Variants in REXO5 observed in about 807,000 individuals in gnomAD.
REXO5 encodes RNA exonuclease 5, also known as exonuclease NEF-sp.
REXO5 carries 48 observed loss-of-function variants against 88.5 expected under a neutral mutation model. That is an observed-to-expected ratio of 0.54 (90% CI 0.43 to 0.69). REXO5 has a LOEUF of 0.69. Ranked by LOEUF, REXO5 falls within the 30% of genes least tolerant of loss-of-function variation. REXO5 has a pLI of 0.00. For synonymous variants in REXO5, 311 were observed against 336.5 expected, an observed-to-expected ratio of 0.92 and a Z score of 0.83; for missense variants, 749 against 912.2, an observed-to-expected ratio of 0.82 and a Z score of 2.30.
Position 20,841,763 on chromosome 16 carries a change from G to A in REXO5, c.1626+1295G>A, listed in dbSNP as rs865944331. On this transcript the variant is annotated intron_variant, in intron 15 of 19. Transcript: ENST00000261377. ...TGAGACGACAGGTATGTGCCCCCACGCCTGGCTAATTTTTGTATTTTTAGT... is the reference window on the plus strand; with the variant it reads ...TGAGACGACAGGTATGTGCCCCCACACCTGGCTAATTTTTGTATTTTTAGT... 4.9e-4 allele frequency among the ~76,000 whole-genome samples: 75 copies of A among 152,122 alleles called. 1 individual carries two copies. Among genetic ancestry groups the A allele is most frequent in the African/African-American group, 1.7e-3 (70 of 41,500 alleles).
chr16:20,846,108 G>A, intron 18 of REXO5, 113 bp from the exon 19 acceptor site: 1 of 841,746 alleles, frequency 1.2e-6, no homozygotes, highest in South Asian at 1.5e-5. Flanking sequence ...GGATTTGTCT[G>A]GAACCTTTAC....
At chr16:20,824,617 A>T in intron 7 of REXO5, 90 bp downstream of exon 7, 1 of 780,664 alleles carries the variant, frequency 1.3e-6, no homozygotes, top group Non-Finnish European at 2.2e-6. Context: ...CTAATGAACG[A>T]ATACATTCAT....
intron 10 of REXO5, among the ~76,000 whole-genome samples, chr16:20,827,747 G>T (rs531453190): frequency 6.7e-4 from 102 of 152,214 alleles, no homozygotes; most frequent in African/African-American, 2.4e-3. Flanking sequence ...CTGTCCTATT[G>T]TATTAAGACA....
chr16:20,847,006 A>T (rs2081617152), intron 19 of REXO5, among the ~76,000 whole-genome samples: 1 of 152,174 alleles, frequency 6.6e-6, no homozygotes, highest in African/African-American at 2.4e-5. Flanking sequence ...GGAATGAGTG[A>T]GTGGGCAGCT....
chr16:20,839,955 G>T, intron 14 of REXO5, 96 bp downstream of exon 14: 4 of 778,480 alleles, frequency 5.1e-6, no homozygotes, highest in Non-Finnish European at 6.1e-6. Flanking sequence ...AATTTGTTGT[G>T]TTTTTCTCTA....
intron 19 of REXO5, among the ~76,000 whole-genome samples, chr16:20,846,807 A>G (rs2081613876): frequency 1.3e-5 from 2 of 152,212 alleles, no homozygotes; most frequent in Non-Finnish European, 2.9e-5. Flanking sequence ...CTTTGAGTCT[A>G]GTTGCAGCTT....
At chr16:20,831,420 A>G (rs2081343164) in intron 11 of REXO5, among the ~76,000 whole-genome samples, 1 of 152,058 alleles carries the variant, frequency 6.6e-6, no homozygotes, top group Non-Finnish European at 1.5e-5. Context: ...ATAAAAACTA[A>G]CCAAATCTGA....
At chr16:20,811,209 C>T (rs2080993284) in intron 2 of REXO5, among the ~76,000 whole-genome samples, 1 of 152,178 alleles carries the variant, frequency 6.6e-6, no homozygotes, top group Non-Finnish European at 1.5e-5. Context: ...TGCCTGGCAA[C>T]CAGGGTTACT....
chr16:20,848,489 G>A (rs1415162932), intron 19 of REXO5, among the ~76,000 whole-genome samples: 1 of 152,194 alleles, frequency 6.6e-6, no homozygotes, highest in Non-Finnish European at 1.5e-5. Context: ...TAGCTAGTAA[G>A]TGCATAGTCA....
intron 5 of REXO5, among the ~76,000 whole-genome samples, chr16:20,816,752 T>G (rs2081087310): frequency 6.6e-6 from 1 of 152,212 alleles, no homozygotes; most frequent in Admixed American, 6.5e-5. Context: ...TAGCTAAGGA[T>G]ACCTGGGTAT....
rs748051268 is a variant in REXO5, at chr16:20,827,053, G to A, written c.822-5G>A. On this transcript the variant is annotated splice_polypyrimidine_tract_variant and splice_region_variant and intron_variant, in intron 8 of 19. Coordinates refer to ENST00000261377, the MANE Select transcript of REXO5 (RefSeq NM_030941.3). The stretch of plus-strand genomic sequence containing the variant: ...GCCTGTCCATTTCTCTTTTTTTAAT[G>A]AAAGCTTTTCGGGAATCACGAAGAA... 1.2e-6 allele frequency: 2 copies of A among 1,612,956 alleles called. No individual in the cohort carries two copies. Among genetic ancestry groups the A allele is most frequent in the East Asian group, 4.5e-5 (2 of 44,848 alleles).
intron 13 of REXO5, among the ~76,000 whole-genome samples, chr16:20,834,554 C>G (rs2081395706): frequency 6.6e-6 from 1 of 152,080 alleles, no homozygotes; most frequent in Non-Finnish European, 1.5e-5. Context: ...TTTTTTCTTT[C>G]ACCACCCTCC....
chr16:20,843,071 T>A (rs191635758), intron 15 of REXO5, among the ~76,000 whole-genome samples: 1 of 152,228 alleles, frequency 6.6e-6, no homozygotes, highest in Non-Finnish European at 1.5e-5. Context: ...TGGGTTTGAT[T>A]TGCGTTTCCC....
intron 11 of REXO5, among the ~76,000 whole-genome samples, chr16:20,830,998 T>G (rs1160637898): frequency 1.4e-5 from 2 of 142,846 alleles, no homozygotes; most frequent in Non-Finnish European, 3.1e-5. Flanking sequence ...CTGTTTTTTT[T>G]TTTTTTTTTT....
intron 10 of REXO5, among the ~76,000 whole-genome samples, chr16:20,827,971 ATATT>A (rs2081284056): frequency 6.6e-6 from 1 of 152,208 alleles, no homozygotes; most frequent in Non-Finnish European, 1.5e-5. Flanking sequence ...ATATGCCTCA[ATATT>A]TATATGATAT....
intron 3 of REXO5, among the ~76,000 whole-genome samples, chr16:20,814,264 C>G (rs1187098495): frequency 6.6e-6 from 1 of 151,948 alleles, no homozygotes; most frequent in Non-Finnish European, 1.5e-5. Flanking sequence ...GGGGATGGAG[C>G]CTCGCTCTGT....
At chr16:20,842,275 A>G (rs1022973140) in intron 15 of REXO5, among the ~76,000 whole-genome samples, 7 of 149,850 alleles carry the variant, frequency 4.7e-5, no homozygotes, top group African/African-American at 1.7e-4. Context: ...TACGTACCTC[A>G]CATAAGTGGA....
intron 19 of REXO5, among the ~76,000 whole-genome samples, chr16:20,846,775 C>T (rs2081613381): frequency 6.6e-6 from 1 of 152,140 alleles, no homozygotes; most frequent in Non-Finnish European, 1.5e-5. Context: ...TGATTCTAAG[C>T]CTGAGGAATA....
At chr16:20,815,114 A>G (rs973188299) in intron 4 of REXO5, 61 bp downstream of exon 4, 10 of 1,553,254 alleles carry the variant, frequency 6.4e-6, no homozygotes, top group Non-Finnish European at 8.7e-6. Flanking sequence ...AGACTAATAC[A>G]TGTGTCAGGG....
Sources: gnomAD v4.1 joint callset for allele counts (sites outside exome capture counted in the v4.1 genomes callset) on GRCh38, gnomAD v4.1.1 for gene constraint, MANE v1.5 for transcripts, NCBI Gene and HGNC (gene_info 2026-07-23, HGNC 2026-07-21) for gene names.